Variants in ELF2 observed in about 807,000 individuals in gnomAD.
The protein encoded by ELF2 is E74 like ETS transcription factor 2, also known as ETS-related transcription factor Elf-2.
In ELF2, 11 loss-of-function variants were observed where a neutral mutation model predicts 54.8. The ratio of observed to expected loss-of-function variants is 0.20; its 90% CI spans 0.13 to 0.33. The LOEUF (loss-of-function observed/expected upper bound fraction) is 0.33, where lower values mean the gene tolerates loss of function less well. Ranked by LOEUF, ELF2 falls within the 10% of genes least tolerant of loss-of-function variation. The probability of loss-of-function intolerance (pLI) is 1.00; values close to 1 mark genes in which losing one functional copy is unlikely to be tolerated. For synonymous variants in ELF2, 203 were observed against 245.1 expected, an observed-to-expected ratio of 0.83 and a Z score of 1.61; for missense variants, 513 against 703.0, an observed-to-expected ratio of 0.73 and a Z score of 3.06.
intron 1 of ELF2, among the ~76,000 whole-genome samples, chr4:139,165,973 G>C (rs1018822428): frequency 5.3e-5 from 8 of 152,148 alleles, no homozygotes; most frequent in Non-Finnish European, 5.9e-5. Context: ...GTCAATTGCT[G>C]ATTATAATAA....
intron 1 of ELF2, among the ~76,000 whole-genome samples, chr4:139,166,316 A>G (rs552257477): frequency 1.3e-5 from 2 of 152,098 alleles, no homozygotes; most frequent in Non-Finnish European, 2.9e-5. Context: ...GAACCCAGGA[A>G]GTGGAGGTTG....
chr4:139,137,775 T>A lies in ELF2; in HGVS notation c.-74A>T, dbSNP rs1387180896. 51 of 1,583,786 alleles carry A rather than the reference T, an allele frequency of 3.2e-5. No homozygotes were observed. Among genetic ancestry groups the A allele is most frequent in the Non-Finnish European group, 1.6e-5 (19 of 1,167,054 alleles). On this transcript the variant is annotated 5_prime_UTR_variant, in exon 3 of 10. Transcript: ENST00000686138. ...GGTTCACTGATGGTTGCCAGTGTTA[T>A]AGGTTTGCATTATCATGTTTTAAAA...
chr4:139,088,154 G>C (rs1354285641), intron 4 of ELF2, among the ~76,000 whole-genome samples: 7 of 151,820 alleles, frequency 4.6e-5, no homozygotes, highest in Admixed American at 4.6e-4. Flanking sequence ...GGGTGTGGTG[G>C]CGCATGCCTG....
At chr4:139,112,318 T>A (rs1735035421) in intron 4 of ELF2, among the ~76,000 whole-genome samples, 1 of 152,244 alleles carries the variant, frequency 6.6e-6, no homozygotes, top group East Asian at 1.9e-4. Flanking sequence ...CATAAACTTT[T>A]AATTAATCCT....
At chr4:139,114,542 A>G (rs1735331157) in intron 4 of ELF2, among the ~76,000 whole-genome samples, 1 of 79,220 alleles carries the variant, frequency 1.3e-5, no homozygotes, top group South Asian at 4.7e-4. Context: ...CAGCCTGGCA[A>G]CAGAGCGAGA....
intron 4 of ELF2, chr4:139,084,407 C>G: frequency 7.2e-7 from 1 of 1,397,976 alleles, no homozygotes; most frequent in African/African-American, 1.5e-5. Context: ...ACCCCACCAC[C>G]TAACGGCAGG....
chr4:139,155,422 C>A (rs1740427349), intron 1 of ELF2: 1 of 152,236 alleles, frequency 6.6e-6, no homozygotes, highest in African/African-American at 2.4e-5. Flanking sequence ...CCAGCCTGAG[C>A]AATTCAGCAA....
At chr4:139,161,967 G>A (rs1283431118) in intron 1 of ELF2, among the ~76,000 whole-genome samples, 4 of 152,080 alleles carry the variant, frequency 2.6e-5, no homozygotes, top group Non-Finnish European at 4.4e-5. Context: ...GGTGGTGGAC[G>A]CCTGTAGTCC....
intron 7 of ELF2, among the ~76,000 whole-genome samples, chr4:139,063,750 T>C (rs891358975): frequency 4.6e-5 from 7 of 152,082 alleles, no homozygotes; most frequent in Non-Finnish European, 7.3e-5. Context: ...AGAAAATATG[T>C]CTGTGGGATT....
rs1727230392 is a variant in ELF2, at chr4:139,057,679, T to C, written c.*1304A>G. ...ACGTTAAGCAGAACATTATAGTTCA[T>C]CATAATTAGAAAGAAACTGGCAACA... On this transcript the variant is annotated 3_prime_UTR_variant, in exon 10 of 10. Transcript: ENST00000686138. The C allele has an allele frequency of 6.6e-6, 1 of 152,210 alleles. No homozygotes were observed. The highest frequency in any genetic ancestry group is 1.5e-5 in the Non-Finnish European group (1 of 68,012). The allele number at this position is 152,210 out of a possible 1,614,324, so 9.4% of individuals were successfully genotyped here.
chr4:139,163,905 A>C (rs1236018552), intron 1 of ELF2, among the ~76,000 whole-genome samples: 1 of 151,874 alleles, frequency 6.6e-6, no homozygotes, highest in Admixed American at 6.6e-5. Flanking sequence ...ATCAAAAAAA[A>C]AGGAAGTAGG....
At chr4:139,133,209 C>A (rs926902177) in intron 3 of ELF2, among the ~76,000 whole-genome samples, 5 of 152,158 alleles carry the variant, frequency 3.3e-5, no homozygotes, top group Non-Finnish European at 7.4e-5. Flanking sequence ...GCGTGAGCCA[C>A]CACGCCCAGC....
At chr4:139,110,423 A>G (rs531788447) in intron 4 of ELF2, among the ~76,000 whole-genome samples, 3 of 151,826 alleles carry the variant, frequency 2.0e-5, no homozygotes. Context: ...CCTGGGTACT[A>G]AAAAAAAACT....
intron 5 of ELF2, among the ~76,000 whole-genome samples, chr4:139,072,383 A>T (rs1268199187): frequency 1.3e-5 from 2 of 152,216 alleles, no homozygotes; most frequent in African/African-American, 4.8e-5. Context: ...ATAGTATAAT[A>T]GTGAGTTAGT....
At chr4:139,137,314 T>C (rs1191809822) in intron 3 of ELF2, 1 of 351,930 alleles carries the variant, frequency 2.8e-6, no homozygotes, top group African/African-American at 2.1e-5. Context: ...AGTATATACC[T>C]ACAGTATAAT....
chr4:139,172,783 C>G (rs1334085513), intron 1 of ELF2, among the ~76,000 whole-genome samples: 1 of 142,166 alleles, frequency 7.0e-6, no homozygotes, highest in African/African-American at 2.6e-5. Flanking sequence ...TAAACTTTAT[C>G]CTAGGTATAC....
At chr4:139,157,827 T>C (rs1252737354) in intron 1 of ELF2, among the ~76,000 whole-genome samples, 1 of 152,238 alleles carries the variant, frequency 6.6e-6, no homozygotes, top group Non-Finnish European at 1.5e-5. Flanking sequence ...TTGTTCAACC[T>C]GTTTTATGAT....
intron 1 of ELF2, among the ~76,000 whole-genome samples, chr4:139,159,453 T>C (rs1285193154): frequency 2.6e-5 from 4 of 152,120 alleles, no homozygotes; most frequent in Non-Finnish European, 4.4e-5. Flanking sequence ...GGGAAGAGAT[T>C]GATAGGTGAA....
chr4:139,118,091 ATC>A (rs1735937154), intron 4 of ELF2: 1 of 154,520 alleles, frequency 6.5e-6, no homozygotes, highest in Non-Finnish European at 1.5e-5. Context: ...TCAGAACTCA[ATC>A]TGTTTCCATT....
Sources: gnomAD v4.1 joint callset for allele counts (sites outside exome capture counted in the v4.1 genomes callset) on GRCh38, gnomAD v4.1.1 for gene constraint, MANE v1.5 for transcripts, NCBI Gene and HGNC (gene_info 2026-07-23, HGNC 2026-07-21) for gene names.